CRACR2A: variants seen among roughly 807,000 people sequenced by gnomAD.
CRACR2A encodes the protein EF-hand calcium-binding domain-containing protein 4B.
In CRACR2A, 79 loss-of-function variants were observed where a neutral mutation model predicts 90.5. The ratio of observed to expected loss-of-function variants is 0.87; its 90% confidence interval spans 0.73 to 1.05. The LOEUF (loss-of-function observed/expected upper bound fraction) is 1.05. Ranked by LOEUF, CRACR2A falls within the 50% of genes least tolerant of loss-of-function variation. CRACR2A has a pLI of 0.00. For synonymous variants in CRACR2A, 338 were observed against 356.7 expected, an observed-to-expected ratio of 0.95 and a Z score of 0.59; for missense variants, 823 against 897.2, an observed-to-expected ratio of 0.92 and a Z score of 1.06.
intron 4 of CRACR2A, among the ~76,000 whole-genome samples, chr12:3,690,093 T>C (rs1292964580): frequency 6.6e-6 from 1 of 151,960 alleles, no homozygotes; most frequent in African/African-American, 2.4e-5. Context: ...ACTTTTTTTT[T>C]CAAAAAAAGA....
chr12:3,743,955 G>T lies in CRACR2A; in HGVS notation c.-387+9060C>A, dbSNP rs113874345. On this transcript the variant is annotated intron_variant, in intron 1 of 19. Coordinates refer to ENST00000440314, the MANE Select transcript of CRACR2A (RefSeq NM_001144958.2). The stretch of plus-strand genomic sequence containing the variant: ...GATGCCAGAAAGAATGCTCGCTGGG[G>T]AAATAGCAAATACACTCTGTAGTAT... Among the ~76,000 whole-genome samples the T allele has an allele frequency of 8.3e-4, 126 of 152,320 alleles. 3 individuals are homozygous for T. The highest frequency in any genetic ancestry group is 2.9e-3 in the African/African-American group (122 of 41,572).
Position 3,726,240 on chromosome 12 carries a change from C to T in CRACR2A, c.-118+6702G>A, listed in dbSNP as rs901289733. The T allele has an allele frequency of 4.0e-5, 6 of 151,372 alleles. No homozygotes were observed. The South Asian group carries it at 6.3e-4, about 16-fold the overall frequency. 9.4% of individuals were successfully genotyped at this position (151,372 alleles called of 1,614,324 possible). ...TACACAGAGAGAGAGAGAGCGAGCA[C>T]ACACTTGGCATGTCATCTTGTGCAG... On this transcript the variant is annotated intron_variant, in intron 2 of 19. Transcript: ENST00000440314.
At chr12:3,654,569 C>T (rs1277906155) in intron 9 of CRACR2A, among the ~76,000 whole-genome samples, 170 bp from the exon 10 acceptor site, 4 of 152,198 alleles carry the variant, frequency 2.6e-5, no homozygotes, top group Non-Finnish European at 4.4e-5. Context: ...CACACGTACA[C>T]ACTCCTCTAG....
intron 7 of CRACR2A, among the ~76,000 whole-genome samples, chr12:3,661,946 T>C (rs1266279661): frequency 6.6e-6 from 1 of 152,248 alleles, no homozygotes; most frequent in Non-Finnish European, 1.5e-5. Flanking sequence ...AAATGTGCTA[T>C]AGTAACTTTG....
In CRACR2A at chr12:3,656,358, A is replaced by G. The variant is rs942227170; in HGVS notation, c.811T>C (p.Leu271=). Residue 271 remains leucine, a synonymous_variant, in exon 9 of 20, where the codon TTA becomes CTA. Transcript: ENST00000440314. ...ARSQELEQKL[L]CKEQELEQLT... Reference sequence around the variant, plus strand: ...TGCTCCAGCTCCTGCTCCTTACATAACAGTTTCTGCTCCAGCTCTTGACTG... The same window carrying G: ...TGCTCCAGCTCCTGCTCCTTACATAGCAGTTTCTGCTCCAGCTCTTGACTG... The G allele has an allele frequency of 6.8e-6, 11 of 1,614,036 alleles. No homozygotes were observed. The highest frequency in any genetic ancestry group is 9.3e-6 in the Non-Finnish European group (11 of 1,180,020).
intron 7 of CRACR2A, among the ~76,000 whole-genome samples, chr12:3,670,493 C>T (rs920860283): frequency 5.9e-5 from 9 of 152,164 alleles, no homozygotes; most frequent in African/African-American, 2.2e-4. Context: ...TAACCTCACC[C>T]TGAGTCATTT....
intron 2 of CRACR2A, 191 bp downstream of exon 2, chr12:3,732,751 A>C (rs1403688800): frequency 6.6e-6 from 1 of 152,222 alleles, no homozygotes; most frequent in Non-Finnish European, 1.5e-5. Flanking sequence ...AAAACATGAG[A>C]TCCAGGTGGT....
At chr12:3,703,554 G>GA (rs1291750531) in intron 3 of CRACR2A, among the ~76,000 whole-genome samples, 1 of 152,048 alleles carries the variant, frequency 6.6e-6, no homozygotes, top group Non-Finnish European at 1.5e-5. Context: ...CAATTCATTT[G>GA]AAAAAAATAC....
chr12:3,737,700 G>A (rs73247899), intron 1 of CRACR2A, among the ~76,000 whole-genome samples: 1 of 152,010 alleles, frequency 6.6e-6, no homozygotes, highest in Admixed American at 6.6e-5. Flanking sequence ...TGTAGTAAGT[G>A]GGGGGAAGGA....
At chr12:3,617,171 C>G (rs1277786124) in intron 18 of CRACR2A, 141 bp from the exon 19 acceptor site, 1 of 658,036 alleles carries the variant, frequency 1.5e-6, no homozygotes, top group Non-Finnish European at 2.7e-6. Flanking sequence ...AATCCTTCCC[C>G]ACTCTGTACA....
chr12:3,666,330 C>CGTGTGTGTGTGTGTGTGTGTGTGTGT (rs750488682), intron 7 of CRACR2A, among the ~76,000 whole-genome samples: 15 of 139,670 alleles, frequency 1.1e-4, no homozygotes, highest in African/African-American at 3.7e-4. Context: ...AGGACGGCTG[C>CGTGTGTGTGTGTGTGTGTGTGTGTGT]GTGTGTGTGT....
At chr12:3,673,324 T>A in intron 7 of CRACR2A, 122 bp downstream of exon 7, 1 of 1,250,942 alleles carries the variant, frequency 8.0e-7, no homozygotes, top group East Asian at 2.4e-5. Flanking sequence ...TGGTCCCCAC[T>A]TTGGCAGACA....
chr12:3,695,009 A>T (rs1189200285), intron 4 of CRACR2A, among the ~76,000 whole-genome samples: 1 of 152,196 alleles, frequency 6.6e-6, no homozygotes, highest in African/African-American at 2.4e-5. Flanking sequence ...GTCAAATACA[A>T]GCGATTTCTT....
At chr12:3,692,949 T>A (rs917749684) in intron 4 of CRACR2A, among the ~76,000 whole-genome samples, 1 of 152,136 alleles carries the variant, frequency 6.6e-6, no homozygotes, top group African/African-American at 2.4e-5. Flanking sequence ...GTGGCAGTGT[T>A]GGCATCAGAG....
At chr12:3,648,463 G>A in intron 11 of CRACR2A, 79 bp downstream of exon 11, 8 of 1,607,208 alleles carry the variant, frequency 5.0e-6, no homozygotes, top group Non-Finnish European at 6.8e-6. Flanking sequence ...ACGTAGGCAA[G>A]GATGACCCTC....
chr12:3,740,054 T>C (rs1422447397), intron 1 of CRACR2A, among the ~76,000 whole-genome samples: 1 of 152,174 alleles, frequency 6.6e-6, no homozygotes, highest in Non-Finnish European at 1.5e-5. Context: ...AAATAGATGC[T>C]GGTCCATCCG....
chr12:3,641,603 G>A (rs748031862), intron 13 of CRACR2A, 129 bp downstream of exon 13: 37 of 712,690 alleles, frequency 5.2e-5, no homozygotes, highest in Non-Finnish European at 7.5e-5. Flanking sequence ...CAAGATTTGA[G>A]GGGAGTGAGT....
chr12:3,658,342 G>A (rs1191635916), intron 8 of CRACR2A, among the ~76,000 whole-genome samples: 1 of 152,102 alleles, frequency 6.6e-6, no homozygotes, highest in Non-Finnish European at 1.5e-5. Flanking sequence ...GCCTCTCTGT[G>A]CAGGATGTCA....
At chr12:3,666,463 T>C (rs961683159) in intron 7 of CRACR2A, among the ~76,000 whole-genome samples, 11 of 151,930 alleles carry the variant, frequency 7.2e-5, no homozygotes, top group Non-Finnish European at 1.5e-4. Flanking sequence ...GAAACAAGGA[T>C]ATAGGGGTGA....
Sources: gnomAD v4.1 joint callset for allele counts (sites outside exome capture counted in the v4.1 genomes callset) on GRCh38, gnomAD v4.1.1 for gene constraint, MANE v1.5 for transcripts, NCBI Gene and HGNC (gene_info 2026-07-23, HGNC 2026-07-21) for gene names.